NEBL: variants seen among roughly 807,000 people sequenced by gnomAD.
The protein encoded by NEBL is nebulette.
NEBL carries 122 observed loss-of-function variants against 140.2 expected under a neutral mutation model. The ratio of observed to expected loss-of-function variants is 0.87; its 90% confidence interval spans 0.75 to 1.01. NEBL has a LOEUF of 1.01. NEBL is among the 50% of genes least tolerant of loss of function. The probability of loss-of-function intolerance (pLI) is 0.00; values close to 1 mark genes in which losing one functional copy is unlikely to be tolerated. For synonymous variants in NEBL, 436 were observed against 398.9 expected, an observed-to-expected ratio of 1.09 and a Z score of -1.11; for missense variants, 1,365 against 1,231.3, an observed-to-expected ratio of 1.11 and a Z score of -1.62.
chr10:20,946,362 G>C (rs1835159307), intron 4 of NEBL, among the ~76,000 whole-genome samples: 2 of 152,204 alleles, frequency 1.3e-5, no homozygotes, highest in South Asian at 4.1e-4. Flanking sequence ...GGATGAAGCT[G>C]AGTCAAGGAA....
At chr10:21,071,419 A>G (rs978824330) in intron 2 of NEBL, among the ~76,000 whole-genome samples, 5 of 152,020 alleles carry the variant, frequency 3.3e-5, no homozygotes, top group African/African-American at 1.2e-4. Context: ...TCAAAGCCCT[A>G]CAAAAGGACT....
chr10:21,286,011 T>G lies in NEBL; in HGVS notation n.182+6819A>C, dbSNP rs529920412. Among the ~76,000 whole-genome samples the G allele has an allele frequency of 2.0e-5, 3 of 152,346 alleles. No homozygotes were observed. The South Asian group carries it at 6.2e-4, about 32-fold the overall frequency. On this transcript the variant is annotated intron_variant and non_coding_transcript_variant, in intron 1 of 8. Transcript: ENST00000675702. ...GCGGGGCTCAGACCTTCTGGCTTTT[T>G]ACATCACCGCTCATTCTTCCATCTC...
rs549568729 is a variant in NEBL at position 21,166,356 on chromosome 10, A to C, written c.164+6027T>G. Among the ~76,000 whole-genome samples the C allele has an allele frequency of 1.6e-4, 24 of 151,458 alleles. 1 individual carries two copies. In the South Asian group the frequency reaches 4.8e-3, roughly 30 times the overall value. ...CTTTTTAGTACTTAAATGAATTCTG[A>C]TGTTTTCTCTTCTCATTCTCTTTTC... On this transcript the variant is annotated intron_variant, in intron 2 of 6. Transcript: ENST00000417816.
At chr10:21,123,024 A>G (rs533891172) in intron 2 of NEBL, among the ~76,000 whole-genome samples, 18 of 152,314 alleles carry the variant, frequency 1.2e-4, no homozygotes, top group African/African-American at 4.3e-4. Context: ...ATAACAAGCC[A>G]GAAATTTTTT....
At chr10:20,912,100 T>C (rs1848353238) in intron 4 of NEBL, among the ~76,000 whole-genome samples, 1 of 152,248 alleles carries the variant, frequency 6.6e-6, no homozygotes, top group South Asian at 2.1e-4. Context: ...AACACTATTT[T>C]AGTTTTTCTG....
chr10:21,229,984 G>A (rs1279765353), intron 3 of NEBL, among the ~76,000 whole-genome samples: 1 of 152,156 alleles, frequency 6.6e-6, no homozygotes, highest in East Asian at 1.9e-4. Context: ...TAGTTGGCAG[G>A]CACTATTTTT....
intron 1 of NEBL, among the ~76,000 whole-genome samples, chr10:21,259,322 C>G (rs1255256649): frequency 6.6e-6 from 1 of 152,068 alleles, no homozygotes; most frequent in Admixed American, 6.6e-5. Flanking sequence ...CAGACTTCAT[C>G]ACTAGGCTGT....
In NEBL at chr10:20,815,800, G is replaced by T. The variant is rs962471481; in HGVS notation, c.2149-83C>A. The T allele has an allele frequency of 6.0e-6, 6 of 1,002,998 alleles. No individual in the cohort carries two copies. The African/African-American group carries it at 6.4e-5, about 11-fold the overall frequency. 62.1% of individuals were successfully genotyped at this position (1,002,998 alleles called of 1,614,324 possible). On this transcript the variant is annotated intron_variant, in intron 21 of 27. Transcript: ENST00000377122. The stretch of plus-strand genomic sequence containing the variant: ...ATTTATTTATTTAAGACAGGGTCTT[G>T]CTCTGTCACCCAGGCTGAAGTGCAG...
intron 4 of NEBL, among the ~76,000 whole-genome samples, chr10:20,906,018 T>A (rs1020534989): frequency 4.6e-5 from 7 of 152,188 alleles, no homozygotes; most frequent in Admixed American, 3.9e-4. Flanking sequence ...CAGGTTATTG[T>A]TTGCCCTTCA....
At chr10:21,045,025 G>T (rs1350017112) in intron 2 of NEBL, among the ~76,000 whole-genome samples, 1 of 152,146 alleles carries the variant, frequency 6.6e-6, no homozygotes, top group South Asian at 2.1e-4. Flanking sequence ...TCAGAAGAAC[G>T]TTAATTATAG....
intron 2 of NEBL, among the ~76,000 whole-genome samples, chr10:21,125,372 A>C (rs10828194): frequency 0.049 from 7,476 of 152,270 alleles, 328 homozygotes; most frequent in East Asian, 0.23. Context: ...GGGATGTTTC[A>C]GGTTTAAAAG....
intron 3 of NEBL, among the ~76,000 whole-genome samples, chr10:21,236,308 T>G (rs6482169): frequency 0.97 from 146,731 of 150,716 alleles, 71,438 homozygotes; most frequent in East Asian, 1. Context: ...TCATTCTGGT[T>G]TTGTTACTCA....
intron 2 of NEBL, among the ~76,000 whole-genome samples, chr10:21,045,400 T>C (rs1223221013): frequency 6.6e-6 from 1 of 152,218 alleles, no homozygotes; most frequent in Non-Finnish European, 1.5e-5. Context: ...AGCATATGCA[T>C]AAATGTCATT....
At chr10:21,153,011 G>A (rs1255281471) in intron 2 of NEBL, among the ~76,000 whole-genome samples, 1 of 152,154 alleles carries the variant, frequency 6.6e-6, no homozygotes, top group Non-Finnish European at 1.5e-5. Flanking sequence ...TTATCTGGCT[G>A]AGAAACTCCA....
At chr10:21,248,105 C>G (rs1246104389) in intron 2 of NEBL, 2 of 221,706 alleles carry the variant, frequency 9.0e-6, no homozygotes, top group African/African-American at 4.7e-5. Flanking sequence ...GGGTCTCATT[C>G]TGTTGCCCAG....
At chr10:20,939,889 C>T (rs1834749318) in intron 4 of NEBL, among the ~76,000 whole-genome samples, 1 of 152,128 alleles carries the variant, frequency 6.6e-6, no homozygotes, top group African/African-American at 2.4e-5. Flanking sequence ...AGCTAACTAT[C>T]CTACATATAT....
chr10:21,259,717 A>C (rs7069918), intron 1 of NEBL, among the ~76,000 whole-genome samples: 12,515 of 152,150 alleles, frequency 0.082, 1,159 homozygotes, highest in African/African-American at 0.23. Context: ...GGCCAAAAAC[A>C]ATCAGCAGAA....
intron 3 of NEBL, among the ~76,000 whole-genome samples, chr10:21,186,940 G>A (rs563076884): frequency 2.7e-5 from 4 of 150,744 alleles, no homozygotes; most frequent in African/African-American, 9.8e-5. Flanking sequence ...TCTTTGGTTG[G>A]TTGAATCTAC....
rs149865408 is a variant in NEBL at position 20,843,299 on chromosome 10, G to C, written c.1227+1959C>G. 1.3e-3 allele frequency among the ~76,000 whole-genome samples: 198 copies of C among 152,158 alleles called. 3 individuals are homozygous for C. Among genetic ancestry groups the C allele is most frequent in the African/African-American group, 4.6e-3 (189 of 41,516 alleles). ...TGGACTTCCCAGTCTCCAGAACTTTGAGAAAAGTCTGTTGGTTAAGCCACT... is the reference window on the plus strand; with the variant it reads ...TGGACTTCCCAGTCTCCAGAACTTTCAGAAAAGTCTGTTGGTTAAGCCACT... On this transcript the variant is annotated intron_variant, in intron 12 of 27. Coordinates refer to ENST00000377122, the MANE Select transcript of NEBL (RefSeq NM_006393.3).
Sources: allele counts gnomAD v4.1 joint callset (sites outside exome capture counted in the v4.1 genomes callset), GRCh38; gene constraint gnomAD v4.1.1; transcripts MANE v1.5; gene names NCBI Gene and HGNC (gene_info 2026-07-23, HGNC 2026-07-21).